The following CCDC7 variants were observed in gnomAD, a reference collection of about 807,000 sequenced individuals.
CCDC7 encodes the protein coiled-coil domain-containing protein 7.
A neutral mutation model predicts 196.9 loss-of-function variants in CCDC7; 183 were observed. The ratio of observed to expected loss-of-function variants is 0.93; its 90% CI spans 0.82 to 1.05. The LOEUF is 1.05. Ranked by LOEUF, CCDC7 falls within the 50% of genes least tolerant of loss-of-function variation. The pLI, the probability that CCDC7 is intolerant of heterozygous loss-of-function variation, is 0.00. For missense variants in CCDC7, 1,540 were observed against 1,482.2 expected (o/e 1.04, Z -0.64); for synonymous variants, 525 against 484.6 (o/e 1.08, Z -1.10).
intron 28 of CCDC7, among the ~76,000 whole-genome samples, chr10:32,730,063 C>T (rs2083695439): frequency 6.6e-6 from 1 of 152,006 alleles, no homozygotes; most frequent in South Asian, 2.1e-4. Context: ...TAAATGTGTG[C>T]CATTGTGGTT....
intron 33 of CCDC7, among the ~76,000 whole-genome samples, chr10:32,835,834 TA>T (rs1024139422): frequency 1.3e-5 from 2 of 151,996 alleles, no homozygotes; most frequent in African/African-American, 4.8e-5. Context: ...GAACTTAAAA[TA>T]AAAGTTGAAA....
intron 24 of CCDC7, among the ~76,000 whole-genome samples, chr10:32,702,322 G>C (rs1370256367): frequency 2.6e-5 from 4 of 152,090 alleles, no homozygotes; most frequent in Non-Finnish European, 4.4e-5. Context: ...CCATGTAGTT[G>C]AGCGGTTTTG....
intron 25 of CCDC7, among the ~76,000 whole-genome samples, chr10:32,722,449 A>G (rs1475344998): frequency 1.3e-5 from 2 of 152,068 alleles, no homozygotes; most frequent in Non-Finnish European, 2.9e-5. Context: ...GTGGGCTAGA[A>G]GTCTGGGATC....
At chr10:32,567,071 TA>T (rs1372643749) in intron 14 of CCDC7, among the ~76,000 whole-genome samples, 2 of 145,992 alleles carry the variant, frequency 1.4e-5, no homozygotes, top group African/African-American at 5.0e-5. Flanking sequence ...AGCTAATATA[TA>T]ATATATATTA....
At chr10:32,501,569 T>G (rs928443550) in intron 9 of CCDC7, among the ~76,000 whole-genome samples, 6 of 152,212 alleles carry the variant, frequency 3.9e-5, no homozygotes, top group African/African-American at 1.2e-4. Flanking sequence ...TTCCTTTCTG[T>G]TTGTTAGTGT....
intron 28 of CCDC7, among the ~76,000 whole-genome samples, chr10:32,740,601 A>T (rs1483001930): frequency 6.6e-6 from 1 of 152,220 alleles, no homozygotes; most frequent in Admixed American, 6.5e-5. Flanking sequence ...ATCCCTATGT[A>T]TACCAAGGAA....
At chr10:32,474,391 C>T (rs1480486634) in intron 8 of CCDC7, among the ~76,000 whole-genome samples, 6 of 137,700 alleles carry the variant, frequency 4.4e-5, no homozygotes, top group Non-Finnish European at 8.3e-5. Flanking sequence ...ACCCAGCTAA[C>T]TTTTGTATTT....
chr10:32,745,231 GTCAGTCATCTAAC>G (rs1234460143), intron 28 of CCDC7, among the ~76,000 whole-genome samples: 2 of 152,128 alleles, frequency 1.3e-5, no homozygotes, highest in Non-Finnish European at 2.9e-5. Flanking sequence ...CTAATAATAA[GTCAGTCATCTAAC>G]TTGGTTCTTC....
chr10:32,725,284 C>T (rs2082951177), intron 25 of CCDC7: 1 of 468,980 alleles, frequency 2.1e-6, no homozygotes, highest in Admixed American at 2.4e-5. Context: ...GAAACTTTTA[C>T]AAAATTGCTT....
chr10:32,579,938 A>G (rs1018601065), intron 16 of CCDC7, among the ~76,000 whole-genome samples: 1 of 152,012 alleles, frequency 6.6e-6, no homozygotes, highest in Non-Finnish European at 1.5e-5. Flanking sequence ...CACGAGTCAC[A>G]TACCACTAGC....
chr10:32,528,265 T>C, intron 11 of CCDC7, among the ~76,000 whole-genome samples: 1 of 152,158 alleles, frequency 6.6e-6, no homozygotes, highest in African/African-American at 2.4e-5. Context: ...TTTCTTTTTT[T>C]TTTAAATTGT....
At chr10:32,666,439 C>CAT (rs1166835521) in intron 21 of CCDC7, among the ~76,000 whole-genome samples, 12 of 151,942 alleles carry the variant, frequency 7.9e-5, no homozygotes, top group Admixed American at 7.2e-4. Context: ...AGGTTTGTTA[C>CAT]ATATATATAC....
chr10:32,808,436 C>T (rs1592972225), intron 30 of CCDC7, among the ~76,000 whole-genome samples: 2 of 152,182 alleles, frequency 1.3e-5, no homozygotes, highest in South Asian at 4.1e-4. Flanking sequence ...AGGATGAACT[C>T]AGCTAGCCAG....
intron 13 of CCDC7, among the ~76,000 whole-genome samples, chr10:32,563,670 A>C (rs1197158306): frequency 6.6e-6 from 1 of 152,200 alleles, no homozygotes; most frequent in African/African-American, 2.4e-5. Flanking sequence ...TAAAGACTTA[A>C]ATGTTAGACC....
At chr10:32,484,191 A>C (rs2203974) in intron 8 of CCDC7, among the ~76,000 whole-genome samples, 38,321 of 151,976 alleles carry the variant, frequency 0.25, 5,421 homozygotes, top group South Asian at 0.44. Flanking sequence ...GTTTGTAGTT[A>C]TCTTTGAAGA....
intron 24 of CCDC7, among the ~76,000 whole-genome samples, chr10:32,704,493 A>T (rs1487001838): frequency 6.6e-6 from 1 of 152,088 alleles, no homozygotes; most frequent in African/African-American, 2.4e-5. Context: ...CCATTCTCAG[A>T]TCTCAAACTC....
At chr10:32,626,351 T>A (rs1440997399) in intron 18 of CCDC7, among the ~76,000 whole-genome samples, 1 of 152,008 alleles carries the variant, frequency 6.6e-6, no homozygotes, top group Non-Finnish European at 1.5e-5. Context: ...ATGTTTTCCA[T>A]TTTTGTGTCT....
At chr10:32,768,149 T>G (rs891478203) in intron 28 of CCDC7, among the ~76,000 whole-genome samples, 2 of 152,150 alleles carry the variant, frequency 1.3e-5, no homozygotes, top group Admixed American at 6.6e-5. Flanking sequence ...CAAGTATGTA[T>G]TTAGTACTTG....
At position 32,471,242 on chromosome 10, in the gene CCDC7, A is replaced by G. The variant is rs2037875494; in HGVS notation, c.677+12A>G. On this transcript the variant is annotated intron_variant, in intron 6 of 41. Transcript: ENST00000639629. Reference sequence around the variant, plus strand: ...TTGTCTAAAACTATGTAAGTGAAATATAAGAACTAATTGAATTAAAAACAG... The same window carrying G: ...TTGTCTAAAACTATGTAAGTGAAATGTAAGAACTAATTGAATTAAAAACAG... 1.9e-6 allele frequency: 3 copies of G among 1,601,412 alleles called. No homozygotes were observed. The highest frequency in any genetic ancestry group is 2.6e-6 in the Non-Finnish European group (3 of 1,176,094).
Sources: allele counts gnomAD v4.1 joint callset (sites outside exome capture counted in the v4.1 genomes callset), GRCh38; gene constraint gnomAD v4.1.1; transcripts MANE v1.5; gene names NCBI Gene and HGNC (gene_info 2026-07-23, HGNC 2026-07-21).